Variants in DCAF1 observed in about 807,000 individuals in gnomAD.
DCAF1 encodes the protein DDB1 and CUL4 associated factor 1.
DCAF1 carries 15 observed loss-of-function variants against 128.0 expected under a neutral mutation model. The observed-to-expected ratio is 0.12, with a 90% confidence interval of 0.08 to 0.18. The LOEUF (loss-of-function observed/expected upper bound fraction) is 0.18, where lower values mean the gene tolerates loss of function less well. Among genes scored for constraint, DCAF1 ranks in the 10% least tolerant of loss-of-function variants. The pLI, the probability that DCAF1 is intolerant of heterozygous loss-of-function variation, is 1.00. For missense variants in DCAF1, 988 were observed against 1,649.5 expected (o/e 0.60, Z 6.95); for synonymous variants, 610 against 603.0 (o/e 1.01, Z -0.17).
At position 51,420,143 on chromosome 3, in the gene DCAF1, G is replaced by A. The variant is rs1553631934; in HGVS notation, c.2827C>T (p.Pro943Ser). 1.2e-6 allele frequency: 2 copies of A among 1,614,028 alleles called. No individual in the cohort carries two copies. The highest frequency in any genetic ancestry group is 1.1e-5 in the South Asian group (1 of 91,084). Residue 943 changes from proline to serine, a missense_variant, in exon 15 of 25, where the codon CCC (proline) becomes TCC (serine). Coordinates refer to ENST00000684031, the MANE Select transcript of DCAF1 (RefSeq NM_001387579.1). The surrounding 1 kb of genome is among the most constrained non-coding windows in gnomAD (Gnocchi z 6.5). ...PRPPQGPLAL[P>S]GPSYAGNSPL... ...GAGTTGCCTGCATAAGATGGGCCGG[G>A]CAGAGCTAGCGGACCCTGGGGGGGC...
chr3:51,425,554 GTCA>G (rs1178103288), intron 13 of DCAF1, among the ~76,000 whole-genome samples: 2 of 126,312 alleles, frequency 1.6e-5, no homozygotes, highest in African/African-American at 5.7e-5. Flanking sequence ...CTTGTAAGCT[GTCA>G]TCTTTTTTTT....
At chr3:51,450,114 G>A (rs1702214943) in intron 6 of DCAF1, among the ~76,000 whole-genome samples, 1 of 152,190 alleles carries the variant, frequency 6.6e-6, no homozygotes, top group South Asian at 2.1e-4. Flanking sequence ...GAGAGGCTGA[G>A]GCAGGAGGAT....
At chr3:51,427,295 T>C (rs1699989436) in intron 13 of DCAF1, 77 bp downstream of exon 13, 6 of 612,660 alleles carry the variant, frequency 9.8e-6, no homozygotes, top group Non-Finnish European at 1.8e-5. Context: ...TTGTTAAGCA[T>C]ATACAATGTG....
chr3:51,416,289 C>G (rs915884286), intron 18 of DCAF1, among the ~76,000 whole-genome samples: 3 of 152,186 alleles, frequency 2.0e-5, no homozygotes, highest in Non-Finnish European at 4.4e-5. Context: ...TTTCCTGTGC[C>G]TTACGCTGTT....
chr3:51,419,342 T>C (rs919283287), intron 15 of DCAF1, among the ~76,000 whole-genome samples: 8 of 150,510 alleles, frequency 5.3e-5, no homozygotes, highest in Non-Finnish European at 7.4e-5. Flanking sequence ...GCCTGGGCGA[T>C]AGAGAGACTC....
chr3:51,399,696 G>A (rs1465731312), intron 24 of DCAF1, among the ~76,000 whole-genome samples: 1 of 152,144 alleles, frequency 6.6e-6, no homozygotes, highest in Non-Finnish European at 1.5e-5. Flanking sequence ...CTAGCTTGTA[G>A]GGACTCTAAT....
intron 6 of DCAF1, among the ~76,000 whole-genome samples, chr3:51,453,924 C>A (rs1337644432): frequency 6.6e-6 from 1 of 151,752 alleles, no homozygotes; most frequent in Non-Finnish European, 1.5e-5. Context: ...CTGCCTCCAG[C>A]CTGCACGACA....
In DCAF1 at chr3:51,420,410, T is replaced by C. The variant is rs1553632125; in HGVS notation, c.2560A>G (p.Ile854Val). 1.9e-6 allele frequency: 3 copies of C among 1,614,034 alleles called. No individual in the cohort carries two copies. Among genetic ancestry groups the C allele is most frequent in the Non-Finnish European group, 1.7e-6 (2 of 1,179,900 alleles). The change falls in exon 15 of 25, where the codon ATA (isoleucine) becomes GTA (valine). Residue 854 changes from isoleucine to valine, a missense_variant. By Grantham distance (29) the Ile-to-Val change is conservative. Transcript: ENST00000684031. The surrounding 1 kb of genome is among the most constrained non-coding windows in gnomAD (Gnocchi z 6.5). ...SFPEKELLLLIRNHLISKGLG... is the reference protein window; with the variant it reads ...SFPEKELLLLVRNHLISKGLG... ...CCTTTAGAAATAAGATGGTTTCGTA[T>C]CAACAAAAGCAGCTCTTTCTCAGGG... is the stretch of plus-strand genomic sequence containing the variant.
chr3:51,484,798 T>G (rs1263859542), intron 2 of DCAF1, among the ~76,000 whole-genome samples: 1 of 149,038 alleles, frequency 6.7e-6, no homozygotes, highest in Non-Finnish European at 1.5e-5. Flanking sequence ...TTCTCCTGCC[T>G]CAGCCTCCCG....
intron 12 of DCAF1, among the ~76,000 whole-genome samples, chr3:51,428,560 T>C (rs1409870655): frequency 6.6e-6 from 1 of 152,064 alleles, no homozygotes; most frequent in East Asian, 1.9e-4. Flanking sequence ...AATCTGCTGG[T>C]GATTTTTTAA....
intron 4 of DCAF1, 75 bp from the exon 5 acceptor site, chr3:51,466,951 A>C: frequency 7.6e-7 from 1 of 1,315,480 alleles, no homozygotes; most frequent in Non-Finnish European, 1.1e-6. Flanking sequence ...GACCTCTGGA[A>C]AGGCACCTGG....
At chr3:51,496,604 T>C (rs1553661060) in intron 2 of DCAF1, among the ~76,000 whole-genome samples, 130 bp downstream of exon 2, 1 of 151,868 alleles carries the variant, frequency 6.6e-6, no homozygotes, top group East Asian at 1.9e-4. Context: ...ACTTACATTA[T>C]TCTGAATTTT....
chr3:51,446,342 G>T (rs1701850426), intron 6 of DCAF1, among the ~76,000 whole-genome samples: 1 of 152,190 alleles, frequency 6.6e-6, no homozygotes, highest in African/African-American at 2.4e-5. Flanking sequence ...GCTGGGAGCA[G>T]TGGCTCATGC....
intron 3 of DCAF1, among the ~76,000 whole-genome samples, chr3:51,474,071 A>G (rs1432654019): frequency 6.6e-6 from 1 of 151,926 alleles, no homozygotes; most frequent in African/African-American, 2.4e-5. Context: ...GGTTTCCCAA[A>G]GTGCTGGGAT....
chr3:51,475,358 T>C (rs532615830), intron 3 of DCAF1, among the ~76,000 whole-genome samples: 5 of 152,244 alleles, frequency 3.3e-5, no homozygotes, highest in Admixed American at 1.3e-4. Flanking sequence ...TCCCAGCACT[T>C]TGGGAGGCCA....
chr3:51,410,469 G>T (rs570556136), intron 23 of DCAF1, among the ~76,000 whole-genome samples: 63 of 152,260 alleles, frequency 4.1e-4, no homozygotes, highest in Middle Eastern at 3.4e-3. Context: ...CAGAACAAAT[G>T]ATATGCTCAT....
chr3:51,473,666 A>T (rs1432280211), intron 3 of DCAF1, among the ~76,000 whole-genome samples: 3 of 151,690 alleles, frequency 2.0e-5, no homozygotes, highest in Non-Finnish European at 4.4e-5. Context: ...CAGGAACACC[A>T]CCATGCCCGG....
intron 2 of DCAF1, among the ~76,000 whole-genome samples, chr3:51,485,421 G>A (rs1300667726): frequency 6.6e-6 from 1 of 152,210 alleles, no homozygotes; most frequent in Admixed American, 6.6e-5. Flanking sequence ...AGGGCAGGGA[G>A]CTGAGGTGAG....
intron 6 of DCAF1, among the ~76,000 whole-genome samples, chr3:51,462,138 AC>A (rs1703662756): frequency 1.3e-5 from 2 of 152,182 alleles, no homozygotes; most frequent in East Asian, 3.9e-4. Flanking sequence ...AAAATTCTAC[AC>A]TGGCCAGGTG....
Sources: allele counts gnomAD v4.1 joint callset (sites outside exome capture counted in the v4.1 genomes callset), GRCh38; gene constraint gnomAD v4.1.1; non-coding constraint Gnocchi (gnomAD v3.1); transcripts MANE v1.5; gene names NCBI Gene and HGNC (gene_info 2026-07-23, HGNC 2026-07-21).